ROBO1: variants seen among roughly 807,000 people sequenced by gnomAD.
The protein encoded by ROBO1 is roundabout homolog 1.
In ROBO1, 149 loss-of-function variants were observed where a neutral mutation model predicts 195.9. That is an observed-to-expected ratio of 0.76 (90% confidence interval 0.67 to 0.87). The LOEUF (loss-of-function observed/expected upper bound fraction) is 0.87, where lower values mean the gene tolerates loss of function less well. ROBO1 is among the 40% of genes least tolerant of loss of function. The pLI is 0.00. For synonymous variants in ROBO1, 816 were observed against 733.2 expected, an observed-to-expected ratio of 1.11 and a Z score of -1.82; for missense variants, 1,933 against 2,068.3, an observed-to-expected ratio of 0.93 and a Z score of 1.27.
At chr3:78,715,841 A>G (rs757483256) in intron 7 of ROBO1, among the ~76,000 whole-genome samples, 27 of 152,066 alleles carry the variant, frequency 1.8e-4, no homozygotes, top group Non-Finnish European at 2.8e-4. Flanking sequence ...CGGCCAACAA[A>G]ATTAATTTTT....
intron 3 of ROBO1, among the ~76,000 whole-genome samples, chr3:78,953,346 T>A: frequency 6.7e-6 from 1 of 150,108 alleles, no homozygotes; most frequent in Non-Finnish European, 1.5e-5. Flanking sequence ...TGAAGAATTT[T>A]ACTTTCTGTA....
chr3:79,123,289 C>G (rs1421398580), intron 3 of ROBO1, among the ~76,000 whole-genome samples: 2 of 151,944 alleles, frequency 1.3e-5, no homozygotes, highest in Non-Finnish European at 2.9e-5. Context: ...ACTCAATTAT[C>G]TGTGACTCTA....
chr3:78,680,230 T>TAGA (rs1396517811), intron 10 of ROBO1, among the ~76,000 whole-genome samples: 1 of 152,260 alleles, frequency 6.6e-6, no homozygotes, highest in East Asian at 1.9e-4. Flanking sequence ...ATAAAAACCC[T>TAGA]AGAAGAAAAC....
chr3:79,030,965 AC>A (rs1367190537), intron 3 of ROBO1, among the ~76,000 whole-genome samples: 1 of 151,022 alleles, frequency 6.6e-6, no homozygotes, highest in Non-Finnish European at 1.5e-5. Context: ...CAGGTGATCC[AC>A]CCGCCTCTGC....
chr3:79,008,553 T>C (rs573346754), intron 3 of ROBO1, among the ~76,000 whole-genome samples: 88 of 151,754 alleles, frequency 5.8e-4, no homozygotes, highest in African/African-American at 2.1e-3. Context: ...AAGTAACATA[T>C]ACATGTATAT....
chr3:78,814,008 C>T (rs7629522), intron 4 of ROBO1, among the ~76,000 whole-genome samples: 40,196 of 151,784 alleles, frequency 0.26, 5,504 homozygotes, highest in Non-Finnish European at 0.28. Flanking sequence ...ATGCTATTCA[C>T]TTCGGTATAT....
chr3:79,540,191 T>A (rs1367502398), intron 2 of ROBO1, among the ~76,000 whole-genome samples: 1 of 152,030 alleles, frequency 6.6e-6, no homozygotes, highest in Non-Finnish European at 1.5e-5. Context: ...TATCTTACAT[T>A]TGCATCATAT....
chr3:79,364,381 T>C (rs188460577), intron 2 of ROBO1, among the ~76,000 whole-genome samples: 27 of 151,914 alleles, frequency 1.8e-4, no homozygotes, highest in East Asian at 1.2e-3. Flanking sequence ...GTTTCAATGA[T>C]TGATGATAAT....
chr3:78,868,221 A>C lies in ROBO1; in HGVS notation c.499+70380T>G, dbSNP rs568458762. On this transcript the variant is annotated intron_variant, in intron 4 of 30. Transcript: ENST00000464233. ...GATAATACCATATTCCTATTTCAGT[A>C]ATGTACTGAAAAGATCAGAGCACAG... 2.2e-4 allele frequency among the ~76,000 whole-genome samples: 34 copies of C among 152,264 alleles called. No homozygotes were observed. The Middle Eastern group carries it at 0.01, about 46-fold the overall frequency.
At chr3:79,251,245 T>C (rs574306067) in intron 2 of ROBO1, among the ~76,000 whole-genome samples, 2 of 152,300 alleles carry the variant, frequency 1.3e-5, no homozygotes, top group South Asian at 4.1e-4. Flanking sequence ...AACACATTAT[T>C]ATCTTCAGAG....
chr3:79,404,930 A>G (rs1037197945), intron 2 of ROBO1, among the ~76,000 whole-genome samples: 2 of 152,154 alleles, frequency 1.3e-5, no homozygotes, highest in African/African-American at 4.8e-5. Context: ...TTTTCTTGCA[A>G]TAACTATTAC....
intron 4 of ROBO1, among the ~76,000 whole-genome samples, chr3:78,889,940 A>G (rs2036792612): frequency 6.6e-6 from 1 of 151,992 alleles, no homozygotes. Flanking sequence ...AATTGTACTC[A>G]AATGTCACTC....
At chr3:79,273,161 T>A (rs2030723306) in intron 2 of ROBO1, among the ~76,000 whole-genome samples, 2 of 152,066 alleles carry the variant, frequency 1.3e-5, no homozygotes, top group African/African-American at 2.4e-5. Flanking sequence ...TAAGAAATCA[T>A]CTGAAAGTAC....
rs75747554 is a variant in ROBO1 at position 79,409,334 on chromosome 3, T to C, written c.88+180490A>G. Among the ~76,000 whole-genome samples, 334 of 152,260 alleles carry C rather than the reference T, an allele frequency of 2.2e-3. 8 individuals are homozygous for C. In the East Asian group the frequency reaches 0.059, roughly 27 times the overall value. The stretch of plus-strand genomic sequence containing the variant: ...TACATTCCCATAGCATTCAGGTCTA[T>C]ACCAAAAGCTGTAACTTGATATTTT... On this transcript the variant is annotated intron_variant, in intron 2 of 30. Coordinates refer to ENST00000464233, the MANE Select transcript of ROBO1 (RefSeq NM_002941.4).
chr3:79,300,426 A>T (rs1360837726), intron 2 of ROBO1, among the ~76,000 whole-genome samples: 1 of 152,168 alleles, frequency 6.6e-6, no homozygotes. Flanking sequence ...GCTGCGCTCG[A>T]TTTCTCACTG....
chr3:78,693,383 T>C (rs2081218338), intron 8 of ROBO1: 3 of 1,462,268 alleles, frequency 2.1e-6, no homozygotes, highest in African/African-American at 1.4e-5. Context: ...AAAGAAAACA[T>C]GGAATAAATA....
intron 2 of ROBO1, among the ~76,000 whole-genome samples, chr3:79,421,774 G>A (rs1474593356): frequency 6.6e-6 from 1 of 152,060 alleles, no homozygotes; most frequent in Non-Finnish European, 1.5e-5. Flanking sequence ...GGTAAAGCAA[G>A]CTCTAATAAA....
chr3:79,721,262 T>G (rs945298625), intron 1 of ROBO1, among the ~76,000 whole-genome samples: 1 of 152,148 alleles, frequency 6.6e-6, no homozygotes, highest in Non-Finnish European at 1.5e-5. Flanking sequence ...AGATAATTAC[T>G]CTCCTCTATT....
chr3:79,349,459 T>C (rs894276539), intron 2 of ROBO1, among the ~76,000 whole-genome samples: 7 of 152,084 alleles, frequency 4.6e-5, no homozygotes, highest in Admixed American at 1.3e-4. Context: ...ATGAGCTAAT[T>C]TAAAATAGAT....
Sources: allele counts gnomAD v4.1 joint callset (sites outside exome capture counted in the v4.1 genomes callset), GRCh38; gene constraint gnomAD v4.1.1; transcripts MANE v1.5; gene names NCBI Gene and HGNC (gene_info 2026-07-23, HGNC 2026-07-21).